Variants in NBPF12 observed in about 807,000 individuals in gnomAD.
NBPF12 encodes the protein NBPF family member NBPF12.
Under a neutral mutation model 146.4 loss-of-function variants are expected in NBPF12, and 115 were observed. That is an observed-to-expected ratio of 0.79 (90% confidence interval 0.68 to 0.92). The LOEUF (loss-of-function observed/expected upper bound fraction) is 0.92, where lower values mean the gene tolerates loss of function less well. NBPF12 is among the 40% of genes least tolerant of loss of function. The pLI is 0.00. For missense variants in NBPF12, 1,205 were observed against 1,326.8 expected, an observed-to-expected ratio of 0.91 and a Z score of 1.43; for synonymous variants, 385 against 508.9, an observed-to-expected ratio of 0.76 and a Z score of 3.28.
chr1:146,972,224 A>G (rs1275583567), intron 13 of NBPF12, among the ~76,000 whole-genome samples: 9 of 150,992 alleles, frequency 6.0e-5, no homozygotes, highest in Non-Finnish European at 1.2e-4. Flanking sequence ...GCGAAACCCC[A>G]TCTCTACTAA....
intron 6 of NBPF12, 37 bp from the exon 10 acceptor site, chr1:146,964,320 A>G: frequency 1.3e-6 from 2 of 1,599,624 alleles, no homozygotes; most frequent in Admixed American, 1.7e-5. Context: ...CAGAATGTGA[A>G]GTGGGACATA....
At chr1:146,966,550 C>T (rs1217741163) in exon 9 of NBPF12, 4 of 1,431,752 alleles carry the variant, frequency 2.8e-6, no homozygotes, top group Non-Finnish European at 3.9e-6. Flanking sequence ...GATGAACATT[C>T]TAGAAATCAA....
chr1:146,972,451 T>C (rs1263941414), intron 13 of NBPF12, among the ~76,000 whole-genome samples: 1 of 151,444 alleles, frequency 6.6e-6, no homozygotes, highest in Admixed American at 6.6e-5. Flanking sequence ...TGAAATCTTT[T>C]GTGCTACACA....
intron 16 of NBPF12, among the ~76,000 whole-genome samples, chr1:146,976,403 G>C (rs1205245923): frequency 7.6e-6 from 1 of 131,682 alleles, no homozygotes; most frequent in African/African-American, 3.1e-5. Flanking sequence ...TGTGGTGTTG[G>C]AGAAGGCACT....
chr1:146,949,944 G>A (rs2994364), intron 1 of NBPF12, among the ~76,000 whole-genome samples: 6 of 151,856 alleles, frequency 4.0e-5, no homozygotes, highest in African/African-American at 4.8e-5. Context: ...TCTGTCATGT[G>A]TGGAGTGATG....
intron 6 of NBPF12, 134 bp downstream of exon 9, chr1:146,963,443 G>T (rs1655991686): frequency 5.7e-6 from 9 of 1,580,582 alleles, no homozygotes; most frequent in Non-Finnish European, 7.8e-6. Context: ...ACATGATCAG[G>T]ACTTCCTGGG....
chr1:146,980,870 G>C (rs1303158397), intron 19 of NBPF12, among the ~76,000 whole-genome samples: 1 of 140,170 alleles, frequency 7.1e-6, no homozygotes, highest in African/African-American at 2.7e-5. Flanking sequence ...GCAAAGACTT[G>C]GAACCAAGCC....
intron 8 of NBPF12, among the ~76,000 whole-genome samples, 160 bp from the exon 12 acceptor site, chr1:146,966,304 C>G (rs1424252723): frequency 3.3e-5 from 5 of 151,800 alleles, no homozygotes; most frequent in Non-Finnish European, 7.4e-5. Flanking sequence ...GACAAGTTGA[C>G]TTAAAGGAGA....
intron 8 of NBPF12, among the ~76,000 whole-genome samples, chr1:146,966,133 A>G (rs1424385382): frequency 1.4e-4 from 21 of 152,068 alleles, no homozygotes; most frequent in South Asian, 4.1e-4. Flanking sequence ...ACCAAAAAAG[A>G]AAAAAATTAA....
Position 146,960,302 on chromosome 1 carries a change from C to T in NBPF12, c.159C>T (p.Asn53=), listed in dbSNP as rs2101842077. Residue 53 remains asparagine, a synonymous_variant, in exon 4 of 34, where the codon AAC becomes AAT. Transcript: ENST00000617844. ...CTCAACTGGCCGGCTTCCTGGCCAA[C>T]CGACAGAAGAAATACAGTAAGATCT... 1.3e-5 allele frequency: 17 copies of T among 1,352,906 alleles called. No individual in the cohort carries two copies. The South Asian group carries it at 1.6e-4, about 13-fold the overall frequency. 83.8% of individuals were successfully genotyped at this position (1,352,906 alleles called of 1,614,324 possible). A position where few individuals can be genotyped will look rare whatever the true frequency, so the allele number is the denominator to read the frequency against.
At chr1:146,939,738 CTT>C (rs1654711381) in intron 1 of NBPF12, among the ~76,000 whole-genome samples, 1 of 151,936 alleles carries the variant, frequency 6.6e-6, no homozygotes, top group Admixed American at 6.5e-5. Flanking sequence ...GAAAGAAGCA[CTT>C]TAAGAGGCCG....
intron 7 of NBPF12, 53 bp downstream of exon 10, chr1:146,964,482 T>C: frequency 6.3e-7 from 1 of 1,591,382 alleles, no homozygotes; most frequent in African/African-American, 1.4e-5. Context: ...TGAAAATGTC[T>C]AGAAGGCACA....
chr1:146,964,882 T>A lies in NBPF12; in HGVS notation c.567-11T>A, dbSNP rs1656091580. ...AATCTTCTGTCATCTCTGTCCCACCTGGCTCATCAGGGAGGTGCAGAAGGC... is the reference window on the plus strand; with the variant it reads ...AATCTTCTGTCATCTCTGTCCCACCAGGCTCATCAGGGAGGTGCAGAAGGC... On this transcript the variant is annotated splice_polypyrimidine_tract_variant and intron_variant, in intron 7 of 33. Transcript: ENST00000617844. 2 of 1,563,854 alleles carry A rather than the reference T, an allele frequency of 1.3e-6. No individual in the cohort carries two copies. The highest frequency in any genetic ancestry group is 2.8e-5 in the African/African-American group (2 of 71,768).
chr1:146,945,802 A>G (rs1655030231), upstream of NBPF12, among the ~76,000 whole-genome samples: 3 of 152,050 alleles, frequency 2.0e-5, no homozygotes, highest in Non-Finnish European at 4.4e-5. Context: ...ATCATTATCA[A>G]CTAAAGTCCA....
chr1:146,949,723 T>A (rs1359140755), intron 1 of NBPF12, among the ~76,000 whole-genome samples: 2 of 149,232 alleles, frequency 1.3e-5, no homozygotes, highest in East Asian at 4.0e-4. Context: ...TCACTACAGA[T>A]AATGAAAGAG....
At chr1:146,977,133 C>T in intron 17 of NBPF12, 132 bp downstream of exon 20, 7 of 865,108 alleles carry the variant, frequency 8.1e-6, no homozygotes, top group South Asian at 5.4e-5. Flanking sequence ...AAATATAACC[C>T]AGCTTAGACA....
At chr1:146,965,098 C>T in exon 8 of NBPF12, 1 of 1,584,048 alleles carries the variant, frequency 6.3e-7, no homozygotes, top group Non-Finnish European at 8.6e-7. Flanking sequence ...TCTAAACATT[C>T]TCCCAGGTAG....
At chr1:146,970,272 C>T (rs1397018267) in intron 11 of NBPF12, among the ~76,000 whole-genome samples, 1 of 150,164 alleles carries the variant, frequency 6.7e-6, no homozygotes, top group Admixed American at 6.6e-5. Flanking sequence ...TTTGTCCTCT[C>T]CTAAGAGAAA....
chr1:146,992,433 G>GTT (rs1559532335), intron 31 of NBPF12, among the ~76,000 whole-genome samples: 8 of 94,054 alleles, frequency 8.5e-5, no homozygotes, highest in African/African-American at 3.7e-4. Flanking sequence ...CACTGAGCTC[G>GTT]TTCTCTCTCT....
Sources: allele counts gnomAD v4.1 joint callset (sites outside exome capture counted in the v4.1 genomes callset), GRCh38; gene constraint gnomAD v4.1.1; transcripts MANE v1.5; gene names NCBI Gene and HGNC (gene_info 2026-07-23, HGNC 2026-07-21).